The following EBF2 variants were observed in gnomAD, a reference collection of about 807,000 sequenced individuals.
EBF2 encodes the protein transcription factor COE2.
A neutral mutation model predicts 72.8 loss-of-function variants in EBF2; 21 were observed. The ratio of observed to expected loss-of-function variants is 0.29; its 90% CI spans 0.20 to 0.42. EBF2 has a LOEUF of 0.42. Ranked by LOEUF, EBF2 falls within the 10% of genes least tolerant of loss-of-function variation. The pLI is 1.00. For synonymous variants in EBF2, 299 were observed against 274.2 expected, an observed-to-expected ratio of 1.09 and a Z score of -0.89; for missense variants, 637 against 731.2, an observed-to-expected ratio of 0.87 and a Z score of 1.49.
At chr8:25,974,458 G>GA (rs765626130) in intron 6 of EBF2, among the ~76,000 whole-genome samples, 5 of 152,180 alleles carry the variant, frequency 3.3e-5, no homozygotes, top group African/African-American at 1.2e-4. Context: ...TTATCAAAGT[G>GA]AAAACTTCTA....
At chr8:25,884,417 T>G (rs1315050369) in intron 10 of EBF2, among the ~76,000 whole-genome samples, 1 of 152,102 alleles carries the variant, frequency 6.6e-6, no homozygotes, top group Non-Finnish European at 1.5e-5. Context: ...GGGATGGATC[T>G]CCACAGCTGG....
chr8:25,981,341 C>A (rs373802475), intron 6 of EBF2, among the ~76,000 whole-genome samples: 1 of 152,050 alleles, frequency 6.6e-6, no homozygotes, highest in African/African-American at 2.4e-5. Flanking sequence ...GAAGTCGATG[C>A]TCTGTGATTC....
intron 6 of EBF2, among the ~76,000 whole-genome samples, chr8:25,955,923 C>G (rs1803936317): frequency 6.6e-6 from 1 of 152,138 alleles, no homozygotes; most frequent in Admixed American, 6.5e-5. Flanking sequence ...TAGTCAGGTA[C>G]AGGGGCTCAC....
intron 9 of EBF2, among the ~76,000 whole-genome samples, chr8:25,887,099 C>T (rs571691529): frequency 1.4e-5 from 2 of 145,700 alleles, no homozygotes; most frequent in East Asian, 4.3e-4. Context: ...CTGTCCCTCT[C>T]TCTGTGTGTA....
intron 6 of EBF2, among the ~76,000 whole-genome samples, chr8:25,941,411 C>T (rs909235537): frequency 1.3e-5 from 2 of 152,140 alleles, no homozygotes; most frequent in African/African-American, 4.8e-5. Context: ...TTGCCACGTT[C>T]GTCAGGCTGG....
intron 6 of EBF2, among the ~76,000 whole-genome samples, chr8:25,988,715 T>C (rs1034776253): frequency 2.0e-5 from 3 of 152,200 alleles, no homozygotes; most frequent in Non-Finnish European, 4.4e-5. Context: ...TATTTTCTAT[T>C]TTACGAAATG....
chr8:25,921,843 C>A (rs1338835140), intron 6 of EBF2, among the ~76,000 whole-genome samples: 1 of 152,170 alleles, frequency 6.6e-6, no homozygotes, highest in Non-Finnish European at 1.5e-5. Flanking sequence ...ATGGGAGAAC[C>A]AGAGCTTACA....
intron 10 of EBF2, among the ~76,000 whole-genome samples, chr8:25,863,642 T>G (rs1364495020): frequency 1.3e-5 from 2 of 152,234 alleles, no homozygotes; most frequent in African/African-American, 4.8e-5. Context: ...TCACCTGCAC[T>G]GCTGTTATGC....
At chr8:25,878,256 G>T (rs1246089164) in intron 10 of EBF2, among the ~76,000 whole-genome samples, 2 of 152,214 alleles carry the variant, frequency 1.3e-5, no homozygotes, top group African/African-American at 4.8e-5. Context: ...GCCATTGGAG[G>T]TGAGTGGTTT....
chr8:25,885,193 C>T (rs1585275502), intron 10 of EBF2, among the ~76,000 whole-genome samples: 1 of 146,412 alleles, frequency 6.8e-6, no homozygotes, highest in African/African-American at 2.6e-5. Context: ...CAAGTCTAAA[C>T]TCCCTTACCA....
At chr8:26,018,961 G>C (rs919583125) in intron 6 of EBF2, among the ~76,000 whole-genome samples, 3 of 122,310 alleles carry the variant, frequency 2.5e-5, no homozygotes, top group Non-Finnish European at 3.5e-5. Flanking sequence ...AAAAGGCAAA[G>C]AACCCCCAAA....
At chr8:25,858,237 T>C (rs1456229159) in intron 14 of EBF2, 82 bp downstream of exon 14, 33 of 1,534,410 alleles carry the variant, frequency 2.2e-5, no homozygotes, top group Non-Finnish European at 3.0e-5. Flanking sequence ...GATTTACAAA[T>C]GCAACTTTCT....
intron 7 of EBF2, among the ~76,000 whole-genome samples, chr8:25,890,182 G>A (rs554203880): frequency 1.6e-4 from 24 of 152,184 alleles, no homozygotes; most frequent in African/African-American, 7.2e-5. Flanking sequence ...GACCGCCACC[G>A]CCAGTGGAGC....
intron 6 of EBF2, among the ~76,000 whole-genome samples, chr8:25,945,000 G>A (rs530701296): frequency 3.9e-5 from 6 of 152,104 alleles, no homozygotes; most frequent in Non-Finnish European, 8.8e-5. Context: ...GTAAAACAAA[G>A]CAATGGACTA....
intron 6 of EBF2, among the ~76,000 whole-genome samples, chr8:25,960,810 C>T (rs1221558084): frequency 2.0e-5 from 3 of 152,156 alleles, no homozygotes; most frequent in Non-Finnish European, 4.4e-5. Flanking sequence ...CTTTAGAAAA[C>T]CAGATTATAA....
intron 6 of EBF2, among the ~76,000 whole-genome samples, chr8:26,017,138 A>G (rs560674751): frequency 1.3e-5 from 2 of 149,440 alleles, no homozygotes; most frequent in South Asian, 4.3e-4. Flanking sequence ...GTGTTTTGCC[A>G]TGCAGTCCCC....
In EBF2 at chr8:25,859,486, G is replaced by A. The variant is rs115572535; in HGVS notation, c.1343-982C>T. On this transcript the variant is annotated intron_variant, in intron 13 of 15. Transcript: ENST00000520164. Reference sequence around the variant, plus strand: ...GTGCTATTCTCTGACCTAGGACTTTGGGGCATCAGCAGTGAGCATGGGGGA... The same window carrying A: ...GTGCTATTCTCTGACCTAGGACTTTAGGGCATCAGCAGTGAGCATGGGGGA... Among the ~76,000 whole-genome samples the A allele has an allele frequency of 8.7e-3, 1,330 of 152,250 alleles. 20 individuals carry two copies. Among genetic ancestry groups the A allele is most frequent in the African/African-American group, 0.03 (1,267 of 41,550 alleles).
At chr8:25,899,088 T>C (rs1802904414) in intron 7 of EBF2, among the ~76,000 whole-genome samples, 1 of 152,152 alleles carries the variant, frequency 6.6e-6, no homozygotes, top group African/African-American at 2.4e-5. Context: ...ATTTCTGTCA[T>C]CCTGATTCTT....
chr8:26,042,415 T>G (rs1585239146), intron 1 of EBF2, among the ~76,000 whole-genome samples, 164 bp from the exon 2 acceptor site: 1 of 152,154 alleles, frequency 6.6e-6, no homozygotes, highest in East Asian at 1.9e-4. Context: ...AAGAGGAGAC[T>G]CCTTAAAGGA....
Sources: allele counts gnomAD v4.1 joint callset (sites outside exome capture counted in the v4.1 genomes callset), GRCh38; gene constraint gnomAD v4.1.1; transcripts MANE v1.5; gene names NCBI Gene and HGNC (gene_info 2026-07-23, HGNC 2026-07-21).